The following FGF14 variants were observed in gnomAD, a reference collection of about 807,000 sequenced individuals.
FGF14 encodes the protein fibroblast growth factor homologous factor 4.
A neutral mutation model predicts 25.5 loss-of-function variants in FGF14; 5 were observed. That is an observed-to-expected ratio of 0.20 (90% CI 0.10 to 0.41). The LOEUF is 0.41. FGF14 is among the 10% of genes least tolerant of loss of function. The pLI is 1.00. For synonymous variants in FGF14, 138 were observed against 118.3 expected (o/e 1.17, Z -1.08); for missense variants, 222 against 320.1 (o/e 0.69, Z 2.34).
chr13:102,082,818 C>T lies in FGF14; in HGVS notation c.209-207522G>A, dbSNP rs571005053. ...AAATACAAAAAAAAAATTAGCCGGG[C>T]GTAGTGGCGGGCGCCTGTAGTCCCA... On this transcript the variant is annotated intron_variant, in intron 1 of 4. Coordinates refer to the FGF14 transcript ENST00000376131. 1.3e-4 allele frequency among the ~76,000 whole-genome samples: 19 copies of T among 151,726 alleles called. No individual in the cohort carries two copies. In the East Asian group the frequency reaches 2.1e-3, roughly 17 times the overall value.
chr13:101,738,660 T>A (rs1461084291), intron 3 of FGF14, among the ~76,000 whole-genome samples: 1 of 152,072 alleles, frequency 6.6e-6, no homozygotes, highest in Non-Finnish European at 1.5e-5. Flanking sequence ...TAACTCTAAC[T>A]AGATAAAGCT....
At chr13:102,314,352 T>C (rs1450210070) in intron 1 of FGF14, among the ~76,000 whole-genome samples, 4 of 152,166 alleles carry the variant, frequency 2.6e-5, no homozygotes, top group Non-Finnish European at 4.4e-5. Context: ...GCAGCACCCA[T>C]TCTATATTGA....
intron 1 of FGF14, among the ~76,000 whole-genome samples, chr13:102,008,762 A>G (rs1295547179): frequency 1.3e-5 from 2 of 152,256 alleles, no homozygotes; most frequent in South Asian, 2.1e-4. Flanking sequence ...GAACTAATCT[A>G]TTTAATATAA....
At chr13:102,066,455 C>T (rs1164038042) in intron 1 of FGF14, among the ~76,000 whole-genome samples, 1 of 152,134 alleles carries the variant, frequency 6.6e-6, no homozygotes, top group Admixed American at 6.5e-5. Context: ...CAATACTTTT[C>T]ACCAAAGACA....
At chr13:102,240,432 C>G (rs916324391) in intron 1 of FGF14, among the ~76,000 whole-genome samples, 1 of 152,140 alleles carries the variant, frequency 6.6e-6, no homozygotes, top group Non-Finnish European at 1.5e-5. Context: ...TAACATTGCT[C>G]AACTAAAATA....
At chr13:102,062,568 G>C (rs2042735262) in intron 1 of FGF14, among the ~76,000 whole-genome samples, 1 of 152,048 alleles carries the variant, frequency 6.6e-6, no homozygotes, top group Admixed American at 6.6e-5. Context: ...TAAAACCATT[G>C]GTGAATATAT....
chr13:101,850,535 ATATATATATATATATAGAAT>A (rs2043775963), intron 3 of FGF14, among the ~76,000 whole-genome samples: 1 of 11,790 alleles, frequency 8.5e-5, no homozygotes, highest in Non-Finnish European at 1.4e-4. Context: ...TTCTATATAT[ATATATATATATATATAGAAT>A]TATATATTCT....
In FGF14 at chr13:101,957,234, A is replaced by G. The variant is rs1874999753; in HGVS notation, c.209-81938T>C. Among the ~76,000 whole-genome samples the G allele has an allele frequency of 2.0e-5, 3 of 152,302 alleles. No homozygotes were observed. In the South Asian group the frequency reaches 6.2e-4, roughly 32 times the overall value. ...CTTGAATGCTGCACTTTTCTTGTCT[A>G]ATTTCCAAACTTCGGTGTGTTTCTT... On this transcript the variant is annotated intron_variant, in intron 1 of 4. Coordinates refer to the FGF14 transcript ENST00000376131.
intron 1 of FGF14, among the ~76,000 whole-genome samples, chr13:102,021,933 G>A (rs1444063916): frequency 1.3e-5 from 2 of 152,004 alleles, no homozygotes; most frequent in African/African-American, 4.8e-5. Context: ...CCTAGAACAT[G>A]AGTGATGATT....
intron 1 of FGF14, among the ~76,000 whole-genome samples, chr13:102,137,463 C>G (rs2046461723): frequency 6.6e-6 from 1 of 152,100 alleles, no homozygotes; most frequent in African/African-American, 2.4e-5. Context: ...TGGTCATATG[C>G]CTGATGTGTC....
At chr13:101,775,449 T>A (rs2039048277) in intron 3 of FGF14, among the ~76,000 whole-genome samples, 1 of 152,202 alleles carries the variant, frequency 6.6e-6, no homozygotes, top group South Asian at 2.1e-4. Flanking sequence ...CTGCTATTTT[T>A]ATAAATGGAA....
upstream of FGF14, among the ~76,000 whole-genome samples, chr13:101,918,850 G>GT (rs2033779705): frequency 6.6e-6 from 1 of 152,192 alleles, no homozygotes; most frequent in African/African-American, 2.4e-5. Context: ...ACTTCTGGAA[G>GT]TTTATTTTCT....
chr13:102,272,001 C>A (rs948219963), intron 1 of FGF14, among the ~76,000 whole-genome samples: 4 of 152,154 alleles, frequency 2.6e-5, no homozygotes, highest in Non-Finnish European at 5.9e-5. Flanking sequence ...CTCTCCTCTG[C>A]AATGGCTTCC....
chr13:102,025,467 G>C (rs1405322659), intron 1 of FGF14, among the ~76,000 whole-genome samples: 1 of 151,868 alleles, frequency 6.6e-6, no homozygotes, highest in East Asian at 1.9e-4. Flanking sequence ...GGAGTGCAGT[G>C]GCATGATCTT....
At chr13:102,124,377 TTA>T (rs1263066576) in intron 1 of FGF14, among the ~76,000 whole-genome samples, 1 of 152,054 alleles carries the variant, frequency 6.6e-6, no homozygotes, top group Non-Finnish European at 1.5e-5. Flanking sequence ...ATAGAGATGA[TTA>T]TACTCTTAAG....
rs192782311 is a variant in FGF14 at position 102,038,777 on chromosome 13, T to G, written c.209-163481A>C. Among the ~76,000 whole-genome samples the G allele has an allele frequency of 1.7e-4, 26 of 152,206 alleles. No homozygotes were observed. In the East Asian group the frequency reaches 4.6e-3, roughly 27 times the overall value. Reference sequence around the variant, plus strand: ...TAATTTTTAATATTTTATATTTAAATGATTAAATGAAATATACATCCTATT... The same window carrying G: ...TAATTTTTAATATTTTATATTTAAAGGATTAAATGAAATATACATCCTATT... On this transcript the variant is annotated intron_variant, in intron 1 of 4. Coordinates refer to the FGF14 transcript ENST00000376131.
intron 1 of FGF14, among the ~76,000 whole-genome samples, chr13:102,320,795 CA>C (rs1211344507): frequency 1.3e-5 from 2 of 152,166 alleles, no homozygotes; most frequent in Non-Finnish European, 2.9e-5. Context: ...GAAAAAATAG[CA>C]ACATGAGATA....
intron 1 of FGF14, among the ~76,000 whole-genome samples, chr13:102,000,038 G>A (rs538486274): frequency 5.9e-5 from 9 of 152,224 alleles, no homozygotes; most frequent in South Asian, 4.1e-4. Context: ...CATGTTTGCC[G>A]GGCGCGGTGG....
At chr13:102,233,351 G>A (rs545548972) in intron 1 of FGF14, among the ~76,000 whole-genome samples, 3 of 151,926 alleles carry the variant, frequency 2.0e-5, no homozygotes, top group Non-Finnish European at 4.4e-5. Context: ...GGCTGTTTTC[G>A]AACTCCTGAC....
Sources: gnomAD v4.1 joint callset for allele counts (sites outside exome capture counted in the v4.1 genomes callset) on GRCh38, gnomAD v4.1.1 for gene constraint, MANE v1.5 for transcripts, NCBI Gene and HGNC (gene_info 2026-07-23, HGNC 2026-07-21) for gene names.